Variants in CEP128 observed in about 807,000 individuals in gnomAD.
The protein encoded by CEP128 is centrosomal protein 128, also known as centrosomal protein 128kDa.
Under a neutral mutation model 156.7 loss-of-function variants are expected in CEP128, and 132 were observed. That is an observed-to-expected ratio of 0.84 (90% CI 0.73 to 0.97). The LOEUF (loss-of-function observed/expected upper bound fraction) is 0.97, where lower values mean the gene tolerates loss of function less well. Among genes scored for constraint, CEP128 ranks in the 50% least tolerant of loss-of-function variants. CEP128 has a pLI of 0.00. For synonymous variants in CEP128, 469 were observed against 448.9 expected (o/e 1.04, Z -0.57); for missense variants, 1,252 against 1,281.9 (o/e 0.98, Z 0.36).
rs188593952 is a variant in CEP128, at chr14:80,924,236, C to T, written c.-15-7674G>A. 8.1e-4 allele frequency among the ~76,000 whole-genome samples: 123 copies of T among 152,310 alleles called. 1 individual carries two copies. The East Asian group carries it at 0.019, about 24-fold the overall frequency. On this transcript the variant is annotated intron_variant, in intron 2 of 24. Coordinates refer to ENST00000555265, the MANE Select transcript of CEP128 (RefSeq NM_152446.5). ...GACATTACCATGCAGAAACAATTAA[C>T]AATTGTACCTGTCTTCTTTACATCA...
chr14:80,731,342 C>G (rs1198977056), intron 19 of CEP128, among the ~76,000 whole-genome samples: 2 of 152,172 alleles, frequency 1.3e-5, no homozygotes, highest in Non-Finnish European at 2.9e-5. Flanking sequence ...CCAGCCTAAG[C>G]TGCCTCAACT....
chr14:80,785,479 G>T lies in CEP128; in HGVS notation c.1627C>A (p.Arg543=), dbSNP rs780056351. Residue 543 remains arginine, a synonymous_variant, in exon 15 of 25, where the codon CGA becomes AGA. Coordinates refer to ENST00000555265, the MANE Select transcript of CEP128 (RefSeq NM_152446.5). ...YAALQQIENL[R]KELNDVLTKR... ...GTTAGGACATCATTCAATTCCTTTC[G>T]AAGATTCTCTATTTGTTGTAATGCT... 42 of 1,613,354 alleles carry T rather than the reference G, an allele frequency of 2.6e-5. No homozygotes were observed. Among genetic ancestry groups the T allele is most frequent in the Non-Finnish European group, 3.4e-5 (40 of 1,179,706 alleles).
At chr14:80,517,331 A>C (rs1003310067) in intron 23 of CEP128, among the ~76,000 whole-genome samples, 1 of 151,840 alleles carries the variant, frequency 6.6e-6, no homozygotes, top group Non-Finnish European at 1.5e-5. Context: ...GATTTGAAAC[A>C]TTTTTTCTTT....
At chr14:80,487,085 T>C (rs1887182685), downstream of CEP128, among the ~76,000 whole-genome samples, 1 of 152,040 alleles carries the variant, frequency 6.6e-6, no homozygotes, top group Non-Finnish European at 1.5e-5. Flanking sequence ...ACTGGCAAAC[T>C]GGATAAAGAG....
chr14:80,579,454 T>A (rs1265443564), intron 20 of CEP128, among the ~76,000 whole-genome samples: 4 of 152,172 alleles, frequency 2.6e-5, no homozygotes, highest in Non-Finnish European at 5.9e-5. Context: ...CATTTTCAGA[T>A]CAATTATACA....
At chr14:80,795,849 C>A (rs945888309) in intron 13 of CEP128, among the ~76,000 whole-genome samples, 2 of 152,180 alleles carry the variant, frequency 1.3e-5, no homozygotes, top group Admixed American at 6.5e-5. Flanking sequence ...TTTCCAGCCT[C>A]CAAGGAAAGG....
chr14:80,648,545 G>A (rs207475006), intron 19 of CEP128, among the ~76,000 whole-genome samples: 1 of 151,676 alleles, frequency 6.6e-6, no homozygotes, highest in Admixed American at 6.6e-5. Flanking sequence ...TTTCCCTAAA[G>A]GAGAACATAA....
chr14:80,778,595 T>C (rs1042724872), intron 15 of CEP128, among the ~76,000 whole-genome samples: 1 of 152,204 alleles, frequency 6.6e-6, no homozygotes, highest in African/African-American at 2.4e-5. Context: ...AAAAAAATTA[T>C]GAAGTATAAC....
At chr14:80,696,518 T>A (rs1324643574) in intron 19 of CEP128, among the ~76,000 whole-genome samples, 3 of 152,084 alleles carry the variant, frequency 2.0e-5, no homozygotes, top group Admixed American at 1.3e-4. Context: ...AAAGAGCTGA[T>A]AAAGGAGGTT....
intron 19 of CEP128, among the ~76,000 whole-genome samples, chr14:80,736,976 G>A (rs1386898276): frequency 6.6e-6 from 1 of 152,158 alleles, no homozygotes; most frequent in South Asian, 2.1e-4. Flanking sequence ...GAAAACATAT[G>A]AGAAACAAAA....
chr14:80,599,371 C>T (rs12323598), intron 19 of CEP128, among the ~76,000 whole-genome samples: 12,537 of 148,640 alleles, frequency 0.084, 656 homozygotes, highest in African/African-American at 0.14. Flanking sequence ...CTCCCAGGTT[C>T]ACGCCATTCT....
chr14:80,532,364 T>A (rs1156248988), intron 21 of CEP128, among the ~76,000 whole-genome samples: 2 of 152,022 alleles, frequency 1.3e-5, no homozygotes, highest in Non-Finnish European at 2.9e-5. Flanking sequence ...AGCTATATAA[T>A]TTTTTCTCGG....
At chr14:80,756,803 G>C in intron 18 of CEP128, 89 bp downstream of exon 18, 1 of 818,284 alleles carries the variant, frequency 1.2e-6, no homozygotes, top group Non-Finnish European at 2.0e-6. Flanking sequence ...CATATGTTCA[G>C]TTACATAACA....
intron 2 of CEP128, among the ~76,000 whole-genome samples, chr14:80,951,261 G>A (rs1160092954): frequency 1.3e-5 from 2 of 152,056 alleles, no homozygotes; most frequent in African/African-American, 2.4e-5. Context: ...CTTATTATTT[G>A]AATCCCTTTA....
Position 80,793,080 on chromosome 14 carries a change from T to C in CEP128, c.1240A>G (p.Lys414Glu), listed in dbSNP as rs1901804489. ...CGATCCAACATCTGCAGTTGCTGTT[T>C]TTCCCCATTCTCCAGTTCACGTGTT... ...NLTRELENGE[K>E]QQLQMLDRLK... The change falls in exon 14 of 25, where the codon AAA becomes GAA. Residue 414 changes from lysine (K) to glutamate (E), a missense_variant. Physicochemically the swap from Lys to Glu is moderately conservative, Grantham distance 56. Transcript: ENST00000555265. 1 of 1,613,176 alleles carries C rather than the reference T, an allele frequency of 6.2e-7. No individual in the cohort carries two copies.
intron 16 of CEP128, among the ~76,000 whole-genome samples, chr14:80,773,494 TA>T (rs1296678087): frequency 6.6e-6 from 1 of 152,140 alleles, no homozygotes; most frequent in Non-Finnish European, 1.5e-5. Flanking sequence ...TATTCAAAAT[TA>T]AAATCAATTT....
At chr14:80,606,183 G>A (rs993205754) in intron 19 of CEP128, among the ~76,000 whole-genome samples, 2 of 152,018 alleles carry the variant, frequency 1.3e-5, no homozygotes, top group African/African-American at 4.8e-5. Flanking sequence ...TTAACAAATT[G>A]TCATATTAAC....
intron 19 of CEP128, among the ~76,000 whole-genome samples, chr14:80,724,964 A>G (rs1478141045): frequency 6.8e-6 from 1 of 147,646 alleles, no homozygotes; most frequent in Non-Finnish European, 1.5e-5. Flanking sequence ...TATATATAAT[A>G]TATATCATAC....
intron 19 of CEP128, among the ~76,000 whole-genome samples, chr14:80,647,011 ATGTG>A (rs1224785096): frequency 0.014 from 998 of 72,482 alleles, 59 homozygotes; most frequent in African/African-American, 0.024. Flanking sequence ...ATATATATAT[ATGTG>A]TGTGTATATA....
Sources: allele counts gnomAD v4.1 joint callset (sites outside exome capture counted in the v4.1 genomes callset), GRCh38; gene constraint gnomAD v4.1.1; transcripts MANE v1.5; gene names NCBI Gene and HGNC (gene_info 2026-07-23, HGNC 2026-07-21).